The following AKAP6 variants were observed in gnomAD, a reference collection of about 807,000 sequenced individuals.
AKAP6 encodes A-kinase anchor protein 6.
In AKAP6, 58 loss-of-function variants were observed where a neutral mutation model predicts 188.5. That is an observed-to-expected ratio of 0.31 (90% CI 0.25 to 0.38). The LOEUF (loss-of-function observed/expected upper bound fraction) is 0.38, where lower values mean the gene tolerates loss of function less well. Among genes scored for constraint, AKAP6 ranks in the 10% least tolerant of loss-of-function variants. The pLI, the probability that AKAP6 is intolerant of heterozygous loss-of-function variation, is 1.00. For missense variants in AKAP6, 2,710 were observed against 2,740.0 expected (o/e 0.99, Z 0.24); for synonymous variants, 989 against 998.6 (o/e 0.99, Z 0.18).
intron 1 of AKAP6, among the ~76,000 whole-genome samples, chr14:32,423,348 T>TG (rs1889915653): frequency 6.6e-6 from 1 of 152,012 alleles, no homozygotes; most frequent in African/African-American, 2.4e-5. Flanking sequence ...TTTTTGTATT[T>TG]TTGTGTGTGT....
chr14:32,578,068 A>G (rs1265417792), intron 5 of AKAP6, among the ~76,000 whole-genome samples: 3 of 152,082 alleles, frequency 2.0e-5, no homozygotes, highest in Admixed American at 2.0e-4. Context: ...ATCCTTGGGT[A>G]CTCAACTGTG....
chr14:32,583,404 G>A (rs538429557), intron 5 of AKAP6, among the ~76,000 whole-genome samples: 9 of 152,338 alleles, frequency 5.9e-5, no homozygotes, highest in East Asian at 3.9e-4. Flanking sequence ...CCCCTACTGG[G>A]GGGTGCCTCC....
chr14:32,570,581 CT>C (rs543543279), intron 4 of AKAP6, among the ~76,000 whole-genome samples: 86 of 152,258 alleles, frequency 5.6e-4, no homozygotes, highest in Non-Finnish European at 1.1e-3. Context: ...TAAATAATCA[CT>C]TATCAAGCTC....
chr14:32,819,161 A>G (rs2140136672), intron 12 of AKAP6, among the ~76,000 whole-genome samples: 1 of 152,290 alleles, frequency 6.6e-6, no homozygotes, highest in South Asian at 2.1e-4. Context: ...CTGCTGTAAC[A>G]TTGGCAGTGG....
At chr14:32,420,909 TTGTGTG>T (rs71432053) in intron 1 of AKAP6, among the ~76,000 whole-genome samples, 274 of 146,520 alleles carry the variant, frequency 1.9e-3, no homozygotes, top group South Asian at 3.6e-3. Flanking sequence ...GGAGATTGAT[TTGTGTG>T]TGTGTGTGTG....
At chr14:32,464,680 C>G (rs1488692552) in intron 2 of AKAP6, among the ~76,000 whole-genome samples, 1 of 152,070 alleles carries the variant, frequency 6.6e-6, no homozygotes, top group African/African-American at 2.4e-5. Context: ...ATTTGAAAAC[C>G]GGCACAAGAC....
chr14:32,643,031 C>T (rs1264252011), intron 7 of AKAP6, among the ~76,000 whole-genome samples: 1 of 152,120 alleles, frequency 6.6e-6, no homozygotes, highest in Non-Finnish European at 1.5e-5. Flanking sequence ...TCGAGACTTA[C>T]TAGGACAACT....
intron 5 of AKAP6, among the ~76,000 whole-genome samples, chr14:32,593,861 G>T (rs1048457534): frequency 1.5e-4 from 22 of 151,546 alleles, no homozygotes; most frequent in Non-Finnish European, 5.9e-5. Flanking sequence ...TTTATGTTTT[G>T]GGGGGTCCTC....
chr14:32,599,522 ATATTGCAAGTCTT>A lies in AKAP6; in HGVS notation c.2566+19_2566+31del. 4 of 1,603,900 alleles carry A rather than the reference ATATTGCAAGTCTT, an allele frequency of 2.5e-6. No individual in the cohort carries two copies. The South Asian group carries it at 3.3e-5, about 13-fold the overall frequency. On this transcript the variant is annotated intron_variant, in intron 6 of 13. Coordinates refer to ENST00000280979, the MANE Select transcript of AKAP6 (RefSeq NM_004274.5). ...CACAAAGCAGGTAAATCCTCCTGAA[ATATTGCAAGTCTT>A]TACGTCTCCAGACTATTAAGAATGA...
intron 2 of AKAP6, among the ~76,000 whole-genome samples, chr14:32,472,506 T>G (rs1198062388): frequency 6.6e-6 from 1 of 152,200 alleles, no homozygotes; most frequent in Non-Finnish European, 1.5e-5. Context: ...GCCACAGAAC[T>G]TAATTCTAGG....
intron 7 of AKAP6, among the ~76,000 whole-genome samples, chr14:32,645,337 T>C (rs1479277925): frequency 6.6e-6 from 1 of 152,194 alleles, no homozygotes. Flanking sequence ...ATCAGTAATG[T>C]TTGTTGCATT....
chr14:32,724,796 C>T lies in AKAP6; in HGVS notation c.3001-7658C>T, dbSNP rs149259821. On this transcript the variant is annotated intron_variant, in intron 9 of 13. Coordinates refer to ENST00000280979, the MANE Select transcript of AKAP6 (RefSeq NM_004274.5). Reference sequence around the variant, plus strand: ...AGCAAGAAATAGACTAGAGAGCACACGGGATATTTCTTCCTTAAATTTCTC... The same window carrying T: ...AGCAAGAAATAGACTAGAGAGCACATGGGATATTTCTTCCTTAAATTTCTC... 5.3e-3 allele frequency among the ~76,000 whole-genome samples: 800 copies of T among 151,826 alleles called. 9 individuals are homozygous for T. The highest frequency in any genetic ancestry group is 0.017 in the African/African-American group (715 of 41,412).
At chr14:32,485,312 GT>G (rs1879623831) in intron 2 of AKAP6, among the ~76,000 whole-genome samples, 2 of 151,798 alleles carry the variant, frequency 1.3e-5, no homozygotes, top group South Asian at 4.2e-4. Flanking sequence ...ATTTATAATC[GT>G]TTGAGTATAC....
chr14:32,375,358 G>A (rs769950039), intron 1 of AKAP6, among the ~76,000 whole-genome samples: 1 of 152,148 alleles, frequency 6.6e-6, no homozygotes, highest in Admixed American at 6.5e-5. Context: ...GTACCTGTAG[G>A]ACATTTCAGG....
At chr14:32,710,480 A>G (rs1891001203) in intron 9 of AKAP6, among the ~76,000 whole-genome samples, 1 of 152,126 alleles carries the variant, frequency 6.6e-6, no homozygotes, top group Non-Finnish European at 1.5e-5. Flanking sequence ...AGATGTTAAG[A>G]GACACACAAC....
intron 2 of AKAP6, among the ~76,000 whole-genome samples, chr14:32,490,595 A>G (rs894151129): frequency 3.4e-4 from 52 of 152,196 alleles, no homozygotes; most frequent in African/African-American, 1.2e-3. Flanking sequence ...CTAAATTTTT[A>G]CCAGGGCCTC....
At chr14:32,389,398 T>A (rs761424302) in intron 1 of AKAP6, among the ~76,000 whole-genome samples, 1 of 151,902 alleles carries the variant, frequency 6.6e-6, no homozygotes, top group South Asian at 2.1e-4. Flanking sequence ...TTGTTGCTTG[T>A]ATACCTTGTT....
intron 11 of AKAP6, among the ~76,000 whole-genome samples, chr14:32,754,446 A>G (rs1242352399): frequency 6.6e-6 from 1 of 152,158 alleles, no homozygotes; most frequent in East Asian, 1.9e-4. Flanking sequence ...TACATATGTA[A>G]TGTAAAATGT....
chr14:32,667,758 G>T (rs959225064), intron 7 of AKAP6, among the ~76,000 whole-genome samples: 1 of 151,974 alleles, frequency 6.6e-6, no homozygotes, highest in Non-Finnish European at 1.5e-5. Context: ...ACACTTGTTT[G>T]GTTCTGTTTT....
Sources: allele counts gnomAD v4.1 joint callset (sites outside exome capture counted in the v4.1 genomes callset), GRCh38; gene constraint gnomAD v4.1.1; transcripts MANE v1.5; gene names NCBI Gene and HGNC (gene_info 2026-07-23, HGNC 2026-07-21).